The following DAB1 variants were observed in gnomAD, a reference collection of about 807,000 sequenced individuals.
DAB1 encodes DAB adaptor protein 1.
A neutral mutation model predicts 64.6 loss-of-function variants in DAB1; 15 were observed. The ratio of observed to expected loss-of-function variants is 0.23; its 90% CI spans 0.16 to 0.36. DAB1 has a LOEUF of 0.36. DAB1 is among the 10% of genes least tolerant of loss of function. The pLI is 1.00. For synonymous variants in DAB1, 235 were observed against 251.9 expected (o/e 0.93, Z 0.64); for missense variants, 596 against 706.7 (o/e 0.84, Z 1.78).
chr1:57,397,725 G>A (rs1193197324), intron 1 of DAB1, among the ~76,000 whole-genome samples: 1 of 152,200 alleles, frequency 6.6e-6, no homozygotes, highest in Non-Finnish European at 1.5e-5. Context: ...GAGTGATGAG[G>A]CATCCTGAGT....
chr1:57,089,844 G>C (rs1048932647), intron 4 of DAB1, among the ~76,000 whole-genome samples: 1 of 152,182 alleles, frequency 6.6e-6, no homozygotes, highest in Non-Finnish European at 1.5e-5. Flanking sequence ...TCCCAGAACT[G>C]TACTGTGACT....
chr1:57,596,193 G>A (rs1398660295), intron 7 of DAB1, among the ~76,000 whole-genome samples: 1 of 152,176 alleles, frequency 6.6e-6, no homozygotes, highest in Non-Finnish European at 1.5e-5. Flanking sequence ...TCTTCTGAAA[G>A]TCCCCTGTTG....
At chr1:57,974,543 C>T (rs535093296) in intron 5 of DAB1, among the ~76,000 whole-genome samples, 2 of 151,888 alleles carry the variant, frequency 1.3e-5, no homozygotes, top group Non-Finnish European at 2.9e-5. Context: ...TCCTAGGTGC[C>T]GTCTTAGACA....
chr1:58,537,062 T>TTCTCTCTCTC (rs150887072), intron 1 of DAB1, among the ~76,000 whole-genome samples: 2,307 of 145,872 alleles, frequency 0.016, 44 homozygotes, highest in East Asian at 0.11. Flanking sequence ...ACATGCAAAA[T>TTCTCTCTCTC]TCTCTCTCTC....
chr1:57,099,557 C>G (rs1370738070), intron 4 of DAB1, among the ~76,000 whole-genome samples: 1 of 152,144 alleles, frequency 6.6e-6, no homozygotes, highest in Non-Finnish European at 1.5e-5. Context: ...TTTATTTAAT[C>G]CTTAGTACTT....
rs374232714 is a variant in DAB1 at position 58,056,770 on chromosome 1, G to C, written n.387+93741C>G. Among the ~76,000 whole-genome samples, 353 of 152,218 alleles carry C rather than the reference G, an allele frequency of 2.3e-3. 9 individuals carry two copies. The South Asian group carries it at 0.069, about 30-fold the overall frequency. ...AGGTTCTTGACAAGAGACCAAGTTA[G>C]TGTATTCACTCCGTTGGCTTCCTCC... On this transcript the variant is annotated intron_variant and non_coding_transcript_variant, in intron 5 of 20. Coordinates refer to the DAB1 transcript ENST00000485760.
intron 4 of DAB1, among the ~76,000 whole-genome samples, chr1:58,154,531 C>T (rs949592811): frequency 3.1e-4 from 47 of 152,128 alleles, no homozygotes; most frequent in African/African-American, 1.1e-3. Context: ...GTGGTTTCTG[C>T]TCTCAAGACT....
chr1:58,340,938 G>A (rs538237253), intron 4 of DAB1, among the ~76,000 whole-genome samples: 10 of 152,186 alleles, frequency 6.6e-5, no homozygotes, highest in Admixed American at 6.6e-4. Flanking sequence ...AAATCTCAAT[G>A]TTTTTCCAGA....
intron 6 of DAB1, among the ~76,000 whole-genome samples, chr1:57,716,620 T>C (rs1308087951): frequency 6.6e-6 from 1 of 152,172 alleles, no homozygotes; most frequent in Non-Finnish European, 1.5e-5. Flanking sequence ...AATCCCAGAC[T>C]ATGAAACTAC....
At position 57,214,852 on chromosome 1, in the gene DAB1, C is replaced by A. The variant is rs544711191; in HGVS notation, c.68-69423G>T. 2.3e-5 allele frequency among the ~76,000 whole-genome samples: 3 copies of A among 130,314 alleles called. No homozygotes were observed. The Admixed American group carries it at 2.8e-4, about 12-fold the overall frequency. 85.5% of individuals were successfully genotyped at this position (130,314 alleles called of 152,430 possible). ...CGTGAACCCAGGAGGTGGAGCTTGT[C>A]GTGAGCTGAGATCACGCCACTGCAC... On this transcript the variant is annotated intron_variant, in intron 2 of 14. Coordinates refer to ENST00000371236, the MANE Select transcript of DAB1 (RefSeq NM_001365792.1).
chr1:57,972,693 G>A (rs1645828233), intron 5 of DAB1, among the ~76,000 whole-genome samples: 1 of 152,238 alleles, frequency 6.6e-6, no homozygotes, highest in Admixed American at 6.5e-5. Context: ...ACACCAACTG[G>A]ATTTGGAGAG....
chr1:58,136,619 TA>T (rs1431131677), intron 5 of DAB1, among the ~76,000 whole-genome samples: 10 of 152,338 alleles, frequency 6.6e-5, no homozygotes, highest in African/African-American at 2.4e-4. Flanking sequence ...GCAAAGCAAG[TA>T]AAACCCAGAG....
chr1:57,531,374 C>T (rs984229762), intron 7 of DAB1, among the ~76,000 whole-genome samples: 2 of 152,144 alleles, frequency 1.3e-5, no homozygotes, highest in Admixed American at 1.3e-4. Context: ...CCCCTATCTT[C>T]CTTGCTGACT....
intron 5 of DAB1, among the ~76,000 whole-genome samples, chr1:58,003,059 T>A (rs1214322657): frequency 2.6e-5 from 4 of 152,142 alleles, no homozygotes; most frequent in Non-Finnish European, 4.4e-5. Flanking sequence ...TAATGTTCAT[T>A]TTATTATTTG....
intron 14 of DAB1, 136 bp downstream of exon 14, chr1:57,010,544 G>A (rs756130777): frequency 9.2e-5 from 44 of 478,366 alleles, no homozygotes; most frequent in Admixed American, 1.7e-4. Context: ...AGGAGCGATG[G>A]TGCAAACATC....
chr1:57,438,726 CT>C lies in DAB1; in HGVS notation n.626-147561del, dbSNP rs552813520. ...GAGTCCCATGATAATACATTTAGTT[CT>C]TTTTTTTCACATGATGTATATGATC... On this transcript the variant is annotated intron_variant and non_coding_transcript_variant, in intron 7 of 20. Transcript: ENST00000485760. Among the ~76,000 whole-genome samples, 60 of 152,014 alleles carry C rather than the reference CT, an allele frequency of 3.9e-4. 1 individual carries two copies. In the South Asian group the frequency reaches 0.012, roughly 32 times the overall value.
At chr1:57,738,481 C>T (rs529112686) in intron 6 of DAB1, among the ~76,000 whole-genome samples, 2 of 152,240 alleles carry the variant, frequency 1.3e-5, no homozygotes, top group South Asian at 4.1e-4. Context: ...ATCTCTCCCC[C>T]ACCCACAACC....
At chr1:58,309,497 G>C (rs529580805) in intron 4 of DAB1, among the ~76,000 whole-genome samples, 1 of 152,152 alleles carries the variant, frequency 6.6e-6, no homozygotes, top group African/African-American at 2.4e-5. Context: ...ACTCTTTCTT[G>C]GTTTTTATAA....
chr1:58,426,979 A>G (rs543378221), intron 3 of DAB1, among the ~76,000 whole-genome samples: 1 of 152,314 alleles, frequency 6.6e-6, no homozygotes, highest in African/African-American at 2.4e-5. Context: ...AGGTGAGGGC[A>G]TATTCACCTT....
Sources: allele counts gnomAD v4.1 joint callset (sites outside exome capture counted in the v4.1 genomes callset), GRCh38; gene constraint gnomAD v4.1.1; transcripts MANE v1.5; gene names NCBI Gene and HGNC (gene_info 2026-07-23, HGNC 2026-07-21).